The following ZFAND5 variants were observed in gnomAD, a reference collection of about 807,000 sequenced individuals.
ZFAND5 encodes zinc finger AN1-type containing 5, also known as AN1-type zinc finger protein 5.
In ZFAND5, 4 loss-of-function variants were observed where a neutral mutation model predicts 23.6. That is an observed-to-expected ratio of 0.17 (90% CI 0.08 to 0.39). ZFAND5 has a LOEUF of 0.39. ZFAND5 is among the 10% of genes least tolerant of loss of function. ZFAND5 has a pLI of 1.00. For missense variants in ZFAND5, 161 were observed against 253.7 expected, an observed-to-expected ratio of 0.63 and a Z score of 2.48; for synonymous variants, 68 against 80.6, an observed-to-expected ratio of 0.84 and a Z score of 0.84.
chr9:72,352,783 C>CCATGT lies in ZFAND5; in HGVS notation c.*3169_*3170insACATG. 1 of 152,202 alleles carries CCATGT rather than the reference C, an allele frequency of 6.6e-6. No homozygotes were observed. Among genetic ancestry groups the CCATGT allele is most frequent in the African/African-American group, 2.4e-5 (1 of 41,450 alleles). The allele number at this position is 152,202 out of a possible 1,614,324, so 9.4% of individuals were successfully genotyped here. A position where few individuals can be genotyped will look rare whatever the true frequency, so the allele number is the denominator to read the frequency against. ...TTATTCCAGAACATTAAGACAATAGCAAATACAATGTGCCAGGCACAGTTT... is the reference window on the plus strand; with the variant it reads ...TTATTCCAGAACATTAAGACAATAGCCATGTAAATACAATGTGCCAGGCACAGTTT... On this transcript the variant is annotated 3_prime_UTR_variant, in exon 7 of 7. Coordinates refer to ENST00000376962, the MANE Select transcript of ZFAND5 (RefSeq NM_001102420.3).
rs1442151793 is a variant in ZFAND5, at chr9:72,355,106, G to T, written c.*847C>A. On this transcript the variant is annotated 3_prime_UTR_variant, in exon 7 of 7. Coordinates refer to ENST00000376962, the MANE Select transcript of ZFAND5 (RefSeq NM_001102420.3). ...AAAGATGCACATGAAAAATTATTCA[G>T]ATACCTTTGCAACTTAAAATTCAGA... 1 of 152,670 alleles carries T rather than the reference G, an allele frequency of 6.6e-6. No individual in the cohort carries two copies. The highest frequency in any genetic ancestry group is 1.5e-5 in the Non-Finnish European group (1 of 68,042). 9.5% of individuals were successfully genotyped at this position (152,670 alleles called of 1,614,324 possible).
At position 72,363,450 on chromosome 9, in the gene ZFAND5, T is replaced by C. The variant is rs1011918641; in HGVS notation, c.-10+20A>G. ...TTCAGGTGCACATGATGTGATGAGA[T>C]GGCATGAATTCCCACTCACCTGGGA... On this transcript the variant is annotated intron_variant, in intron 2 of 6. Coordinates refer to ENST00000376962, the MANE Select transcript of ZFAND5 (RefSeq NM_001102420.3). 3 of 161,476 alleles carry C rather than the reference T, an allele frequency of 1.9e-5. No homozygotes were observed. Among genetic ancestry groups the C allele is most frequent in the Non-Finnish European group, 2.6e-5 (2 of 76,502 alleles). 10.0% of individuals were successfully genotyped at this position (161,476 alleles called of 1,614,324 possible).
Position 72,359,462 on chromosome 9 carries a change from C to T in ZFAND5, c.323G>A (p.Arg108Lys). 1 of 1,613,678 alleles carries T rather than the reference C, an allele frequency of 6.2e-7. No individual in the cohort carries two copies. The highest frequency in any genetic ancestry group is 8.5e-7 in the Non-Finnish European group (1 of 1,179,714). ...TTTCGGGGTAGTTATTTTGTCCTCT[C>T]TTGAAATGCTCATTTCTGTCATTTG... ...TQQMTEMSIS[R>K]EDKITTPKTE... is the part of the protein sequence containing the mutation. The change falls in exon 5 of 7, where the codon AGA becomes AAA. Residue 108 changes from arginine (R) to lysine (K), a missense_variant. Arg to Lys is a conservative substitution (Grantham distance 26). Around this residue, in one of 3 missense-constraint regions of ZFAND5, gnomAD observed 116 missense variants for 115.2 expected, o/e 1.01. Transcript: ENST00000376962.
chr9:72,359,775 T>A (rs1842045194), intron 4 of ZFAND5, among the ~76,000 whole-genome samples: 1 of 152,192 alleles, frequency 6.6e-6, no homozygotes, highest in South Asian at 2.1e-4. Context: ...GATTTTTAGC[T>A]GTGCCTGTAA....
In ZFAND5 at chr9:72,355,051, A is replaced by G. The variant is rs183858336; in HGVS notation, c.*902T>C. 3.3e-5 allele frequency: 5 copies of G among 152,770 alleles called. No homozygotes were observed. The highest frequency in any genetic ancestry group is 1.2e-4 in the African/African-American group (5 of 41,560). 9.5% of individuals were successfully genotyped at this position (152,770 alleles called of 1,614,324 possible). A position where few individuals can be genotyped will look rare whatever the true frequency, so the allele number is the denominator to read the frequency against. On this transcript the variant is annotated 3_prime_UTR_variant, in exon 7 of 7. Transcript: ENST00000376962. ...ACTGAAGTCTTTTAAAAAGCTTTAAACATTCTTTCTTGAACCAAAACATTC... is the reference window on the plus strand; with the variant it reads ...ACTGAAGTCTTTTAAAAAGCTTTAAGCATTCTTTCTTGAACCAAAACATTC...
At position 72,353,519 on chromosome 9, in the gene ZFAND5, C is replaced by G. The variant is rs1222986273; in HGVS notation, c.*2434G>C. ...GGAGAAACTGTCTCTATTAAAAATACAAAAATTAGCTGGGCGTGGTGGCTG... is the reference window on the plus strand; with the variant it reads ...GGAGAAACTGTCTCTATTAAAAATAGAAAAATTAGCTGGGCGTGGTGGCTG... On this transcript the variant is annotated 3_prime_UTR_variant, in exon 7 of 7. Coordinates refer to ENST00000376962, the MANE Select transcript of ZFAND5 (RefSeq NM_001102420.3). The G allele has an allele frequency of 6.6e-6, 1 of 152,104 alleles. No individual in the cohort carries two copies. The highest frequency in any genetic ancestry group is 2.4e-5 in the African/African-American group (1 of 41,394). The allele number at this position is 152,104 out of a possible 1,614,324, so 9.4% of individuals were successfully genotyped here. A position where few individuals can be genotyped will look rare whatever the true frequency, so the allele number is the denominator to read the frequency against.
Position 72,354,665 on chromosome 9 carries a change from GT to G in ZFAND5, c.*1287del, listed in dbSNP as rs1333824944. 2.0e-5 allele frequency: 3 copies of G among 152,568 alleles called. No individual in the cohort carries two copies. Among genetic ancestry groups the G allele is most frequent in the African/African-American group, 4.8e-5 (2 of 41,448 alleles). The allele number at this position is 152,568 out of a possible 1,614,324, so 9.5% of individuals were successfully genotyped here. A position where few individuals can be genotyped will look rare whatever the true frequency, so the allele number is the denominator to read the frequency against. On this transcript the variant is annotated 3_prime_UTR_variant, in exon 7 of 7. Coordinates refer to ENST00000376962, the MANE Select transcript of ZFAND5 (RefSeq NM_001102420.3). ...GACTGAACATTGCAATAAATCAGAA[GT>G]AGTGCCTCGTGTACATACTTAACTA...
chr9:72,359,968 T>C, intron 4 of ZFAND5, 142 bp downstream of exon 4: 2 of 628,956 alleles, frequency 3.2e-6, no homozygotes, highest in Non-Finnish European at 5.4e-6. Context: ...CTTTACTCAA[T>C]GACTTAAGAG....
chr9:72,359,867 T>C (rs565353479), intron 4 of ZFAND5, among the ~76,000 whole-genome samples: 1 of 152,196 alleles, frequency 6.6e-6, no homozygotes, highest in African/African-American at 2.4e-5. Context: ...CGACAATCCC[T>C]AAACCTCAAT....
intron 1 of ZFAND5, 135 bp downstream of exon 1, chr9:72,364,561 T>C (rs1587884491): frequency 7.9e-7 from 1 of 1,266,292 alleles, no homozygotes; most frequent in East Asian, 7.1e-5. Flanking sequence ...GCGGGCGGGC[T>C]CCCCTCCCCC....
chr9:72,360,699 T>C lies in ZFAND5; in HGVS notation c.80A>G (p.Asn27Ser). 9.9e-6 allele frequency: 16 copies of C among 1,614,122 alleles called. No homozygotes were observed. Among genetic ancestry groups the C allele is most frequent in the Non-Finnish European group, 1.3e-5 (15 of 1,179,954 alleles). ...GCGFYGNPRTNGMCSVCYKEH... is the reference protein window; with the variant it reads ...GCGFYGNPRTSGMCSVCYKEH... Reference sequence around the variant, plus strand: ...TTTGTAGCAAACTGAACACATTCCATTTGTCCTAGGATTTCCATAAAAGCC... The same window carrying C: ...TTTGTAGCAAACTGAACACATTCCACTTGTCCTAGGATTTCCATAAAAGCC... The change falls in exon 3 of 7, where the codon AAT becomes AGT. Residue 27 changes from asparagine to serine, a missense_variant. Asn to Ser is a conservative substitution (Grantham distance 46). Coordinates refer to ENST00000376962, the MANE Select transcript of ZFAND5 (RefSeq NM_001102420.3).
chr9:72,360,870 C>G, intron 2 of ZFAND5, 83 bp from the exon 3 acceptor site: 1 of 1,268,838 alleles, frequency 7.9e-7, no homozygotes. Context: ...GTTGTAATTG[C>G]TACGCAAGTT....
intron 1 of ZFAND5, chr9:72,364,385 C>T: frequency 1.7e-6 from 2 of 1,175,828 alleles, no homozygotes; most frequent in Non-Finnish European, 2.1e-6. Context: ...GTGGTGCCCA[C>T]GCCGGGCGCC....
chr9:72,353,141 T>C lies in ZFAND5; in HGVS notation c.*2812A>G, dbSNP rs948226752. ...AAACTTCAGGTCATGGGGGTGTAAATATTTGTCTGCTTATGTAAGGGAAAC... is the reference window on the plus strand; with the variant it reads ...AAACTTCAGGTCATGGGGGTGTAAACATTTGTCTGCTTATGTAAGGGAAAC... On this transcript the variant is annotated 3_prime_UTR_variant, in exon 7 of 7. Coordinates refer to ENST00000376962, the MANE Select transcript of ZFAND5 (RefSeq NM_001102420.3). 9 of 152,318 alleles carry C rather than the reference T, an allele frequency of 5.9e-5. No homozygotes were observed. The highest frequency in any genetic ancestry group is 3.3e-4 in the Admixed American group (5 of 15,296). The allele number at this position is 152,318 out of a possible 1,614,324, so 9.4% of individuals were successfully genotyped here.
intron 2 of ZFAND5, among the ~76,000 whole-genome samples, chr9:72,361,939 T>C (rs1006695136): frequency 1.3e-5 from 2 of 152,348 alleles, no homozygotes; most frequent in South Asian, 4.1e-4. Context: ...TAGAATACAC[T>C]TTTTAGTGAG....
rs1377226764 is a variant in ZFAND5 at position 72,352,531 on chromosome 9, A to G, written c.*3422T>C. The G allele has an allele frequency of 1.3e-5, 2 of 152,160 alleles. No homozygotes were observed. The highest frequency in any genetic ancestry group is 1.9e-4 in the East Asian group (1 of 5,194). 9.4% of individuals were successfully genotyped at this position (152,160 alleles called of 1,614,324 possible). ...TGTTATTACCAACCCCCAAAATACA[A>G]TAATAGTATGCTTAACATCTTGCTA... On this transcript the variant is annotated 3_prime_UTR_variant, in exon 7 of 7. Transcript: ENST00000376962.
intron 2 of ZFAND5, among the ~76,000 whole-genome samples, chr9:72,362,831 C>T (rs1318322223): frequency 1.3e-5 from 2 of 152,116 alleles, no homozygotes; most frequent in African/African-American, 4.8e-5. Context: ...CAGCCTGTCA[C>T]AAGGCTGCAA....
At chr9:72,364,318 G>C (rs1842196476) in intron 1 of ZFAND5, 2 of 936,732 alleles carry the variant, frequency 2.1e-6, no homozygotes, top group Non-Finnish European at 2.7e-6. Context: ...GAGCTAGGGG[G>C]GGCTGCAACG....
In ZFAND5 at chr9:72,365,173, G is replaced by C. The variant is rs1001144109; in HGVS notation, c.-624C>G. On this transcript the variant is annotated 5_prime_UTR_variant, in exon 1 of 7. Coordinates refer to ENST00000376962, the MANE Select transcript of ZFAND5 (RefSeq NM_001102420.3). ...TCCCGGGAGCGAGCGAGCCCGCGTA[G>C]GAGATGCACACAGCTCCGCGTCCCG... 1 of 152,282 alleles carries C rather than the reference G, an allele frequency of 6.6e-6. No homozygotes were observed. The highest frequency in any genetic ancestry group is 1.5e-5 in the Non-Finnish European group (1 of 68,090). The allele number at this position is 152,282 out of a possible 1,614,324, so 9.4% of individuals were successfully genotyped here. A position where few individuals can be genotyped will look rare whatever the true frequency, so the allele number is the denominator to read the frequency against.
Sources: gnomAD v4.1 joint callset for allele counts (sites outside exome capture counted in the v4.1 genomes callset) on GRCh38, gnomAD v4.1.1 for gene constraint, gnomAD v4.1.1 regional missense constraint, MANE v1.5 for transcripts, NCBI Gene and HGNC (gene_info 2026-07-23, HGNC 2026-07-21) for gene names.